The following WRN variants were observed in gnomAD, a reference collection of about 807,000 sequenced individuals.
WRN encodes the protein WRN RecQ like helicase, also known as bifunctional 3'-5' exonuclease/ATP-dependent helicase WRN.
WRN carries 149 observed loss-of-function variants against 180.7 expected under a neutral mutation model. The ratio of observed to expected loss-of-function variants is 0.82; its 90% CI spans 0.72 to 0.94. WRN has a LOEUF of 0.94. WRN is among the 40% of genes least tolerant of loss of function. WRN has a pLI of 0.00. For synonymous variants in WRN, 548 were observed against 568.9 expected (o/e 0.96, Z 0.52); for missense variants, 1,661 against 1,700.1 (o/e 0.98, Z 0.40).
intron 17 of WRN, among the ~76,000 whole-genome samples, chr8:31,098,103 A>G (rs1005499398): frequency 2.0e-5 from 3 of 152,206 alleles, no homozygotes; most frequent in African/African-American, 7.2e-5. Flanking sequence ...GCAGCAATTA[A>G]CATTTCATTA....
chr8:31,072,212 A>G (rs1242394213), intron 7 of WRN, among the ~76,000 whole-genome samples: 5 of 152,208 alleles, frequency 3.3e-5, no homozygotes, highest in African/African-American at 7.2e-5. Context: ...ACATGTTTTA[A>G]GTAGGAGGAT....
chr8:31,118,394 C>G (rs911584909), intron 20 of WRN, among the ~76,000 whole-genome samples: 2 of 152,128 alleles, frequency 1.3e-5, no homozygotes, highest in South Asian at 4.2e-4. Context: ...TGTACTCCTA[C>G]TTTGCCATTA....
At position 31,131,160 on chromosome 8, in the gene WRN, C is replaced by CTTTTTTTT. The variant is rs71206302; in HGVS notation, c.2826-1203_2826-1196dup. On this transcript the variant is annotated intron_variant, in intron 23 of 34. Coordinates refer to ENST00000298139, the MANE Select transcript of WRN (RefSeq NM_000553.6). Reference sequence around the variant, plus strand: ...TGTGGTGGAACCAAATTGCAACTTTCTTTTTTTTTGAGACAGAGTTTTGCT... The same window carrying CTTTTTTTT: ...TGTGGTGGAACCAAATTGCAACTTTCTTTTTTTTTTTTTTTTTGAGACAGAGTTTTGCT... 1.3e-3 allele frequency among the ~76,000 whole-genome samples: 137 copies of CTTTTTTTT among 106,822 alleles called. 4 individuals are homozygous for CTTTTTTTT. The highest frequency in any genetic ancestry group is 3.0e-3 in the African/African-American group (85 of 28,222). 70.1% of individuals were successfully genotyped at this position (106,822 alleles called of 152,430 possible). A position where few individuals can be genotyped will look rare whatever the true frequency, so the allele number is the denominator to read the frequency against.
chr8:31,100,894 G>T lies in WRN; in HGVS notation c.2027G>T (p.Trp676Leu). The T allele has an allele frequency of 6.2e-7, 1 of 1,613,988 alleles. No homozygotes were observed. Among genetic ancestry groups the T allele is most frequent in the Non-Finnish European group, 8.5e-7 (1 of 1,179,984 alleles). ...AVDEAHCISE[W>L]GHDFRDSFRK... is the part of the protein sequence containing the mutation. ...GATGAGGCTCACTGTATTTCTGAGT[G>T]GGGGCATGATTTTAGGGATTCATTC... Residue 676 changes from tryptophan to leucine, a missense_variant, in exon 18 of 35, where the codon TGG (tryptophan) becomes TTG (leucine). Physicochemically the swap from Trp to Leu is moderately conservative, Grantham distance 61. Transcript: ENST00000298139.
chr8:31,146,950 G>A, intron 28 of WRN, 103 bp from the exon 29 acceptor site: 1 of 971,956 alleles, frequency 1.0e-6, no homozygotes, highest in Non-Finnish European at 1.6e-6. Context: ...AAGAATAAAT[G>A]TTTGTACTGA....
intron 15 of WRN, 114 bp from the exon 16 acceptor site, chr8:31,091,716 T>C (rs1813752928): frequency 9.1e-7 from 1 of 1,099,652 alleles, no homozygotes; most frequent in East Asian, 2.7e-5. Flanking sequence ...AAAAAGAAAA[T>C]TGCAAAGAAC....
chr8:31,147,251 A>T (rs1802895225), intron 29 of WRN, 113 bp from the exon 30 acceptor site: 2 of 1,455,064 alleles, frequency 1.4e-6, no homozygotes, highest in Admixed American at 3.5e-5. Context: ...CTGAGTTTAT[A>T]TTTCAGTTTA....
intron 34 of WRN, among the ~76,000 whole-genome samples, chr8:31,169,596 T>G (rs981325683): frequency 6.6e-6 from 1 of 152,202 alleles, no homozygotes; most frequent in Non-Finnish European, 1.5e-5. Context: ...ATACTTTTCT[T>G]TTGCTCATTT....
intron 24 of WRN, among the ~76,000 whole-genome samples, chr8:31,135,867 A>G (rs951111729): frequency 1.2e-4 from 18 of 151,498 alleles, no homozygotes; most frequent in African/African-American, 4.4e-4. Flanking sequence ...ACCGTTGTAA[A>G]GACTTTGCTT....
Position 31,089,449 on chromosome 8 carries a change from G to A in WRN, c.1652+484G>A, listed in dbSNP as rs191395210. Among the ~76,000 whole-genome samples, 178 of 152,088 alleles carry A rather than the reference G, an allele frequency of 1.2e-3. 1 individual carries two copies. Among genetic ancestry groups the A allele is most frequent in the African/African-American group, 3.9e-3 (164 of 41,562 alleles). ...TAAATGAGATGAATAAGAATGAGAT[G>A]AACAAGTAAATGTGAATAAAACTAA... On this transcript the variant is annotated intron_variant, in intron 13 of 34. Transcript: ENST00000298139.
Position 31,120,837 on chromosome 8 carries a change from C to A in WRN, c.2630+413C>A, listed in dbSNP as rs11574316. Among the ~76,000 whole-genome samples the A allele has an allele frequency of 5.3e-5, 8 of 152,088 alleles. No individual in the cohort carries two copies. In the East Asian group the frequency reaches 1.5e-3, roughly 29 times the overall value. On this transcript the variant is annotated intron_variant, in intron 21 of 34. Transcript: ENST00000298139. ...CTGATTTTGTTACTGATTCTTTCTT[C>A]CCATGCTACAGTGGTGATTATTCCA... is the stretch of plus-strand genomic sequence containing the variant.
chr8:31,058,998 TGTTAA>T, intron 2 of WRN, among the ~76,000 whole-genome samples, 150 bp from the exon 3 acceptor site: 1 of 152,252 alleles, frequency 6.6e-6, no homozygotes, highest in African/African-American at 2.4e-5. Context: ...GTTTTTTCTT[TGTTAA>T]GTTTTCTTTA....
intron 1 of WRN, among the ~76,000 whole-genome samples, chr8:31,053,697 A>G (rs1812160930): frequency 6.6e-6 from 1 of 152,266 alleles, no homozygotes; most frequent in Non-Finnish European, 1.5e-5. Context: ...ACATTAAGGT[A>G]TATGACAGAG....
Position 31,070,991 on chromosome 8 carries a change from A to G in WRN, c.724+2664A>G, listed in dbSNP as rs537923500. Among the ~76,000 whole-genome samples the G allele has an allele frequency of 3.3e-5, 5 of 150,100 alleles. No homozygotes were observed. In the East Asian group the frequency reaches 9.9e-4, roughly 30 times the overall value. On this transcript the variant is annotated intron_variant, in intron 7 of 34. Transcript: ENST00000298139. The stretch of plus-strand genomic sequence containing the variant: ...AATCTGGGAGGTGGAGGTTGTAGTG[A>G]GCTGAGATTGCACCATTGCACTCCA...
At chr8:31,141,169 A>G (rs1381949070) in intron 24 of WRN, among the ~76,000 whole-genome samples, 4 of 152,226 alleles carry the variant, frequency 2.6e-5, no homozygotes, top group African/African-American at 9.6e-5. Flanking sequence ...ACACATATCC[A>G]AACCTATACA....
chr8:31,088,815 T>C, intron 12 of WRN, 75 bp from the exon 13 acceptor site: 5 of 1,243,884 alleles, frequency 4.0e-6, no homozygotes, highest in South Asian at 3.8e-5. Context: ...AAGAAGCCAA[T>C]GAAATAAACT....
chr8:31,103,956 G>A (rs1563353389), intron 18 of WRN, among the ~76,000 whole-genome samples: 1 of 151,976 alleles, frequency 6.6e-6, no homozygotes, highest in Admixed American at 6.6e-5. Flanking sequence ...GGATGGTCTC[G>A]ATCTCCTGAC....
chr8:31,127,585 T>TA lies in WRN; in HGVS notation c.2825+2594dup, dbSNP rs945670195. ...AAGACAGAATTGTTTTATGCACCTT[T>TA]AAAAAAAAACAAAAACAAAAAAAAT... On this transcript the variant is annotated intron_variant, in intron 23 of 34. Coordinates refer to ENST00000298139, the MANE Select transcript of WRN (RefSeq NM_000553.6). Among the ~76,000 whole-genome samples the TA allele has an allele frequency of 5.7e-4, 85 of 150,266 alleles. No individual in the cohort carries two copies. In the East Asian group the frequency reaches 7.0e-3, roughly 12 times the overall value.
chr8:31,154,458 T>C (rs1715481877), intron 31 of WRN, among the ~76,000 whole-genome samples, 166 bp from the exon 32 acceptor site: 1 of 152,196 alleles, frequency 6.6e-6, no homozygotes, highest in African/African-American at 2.4e-5. Flanking sequence ...TTAAAATCAA[T>C]ATGTTAAAAA....
Sources: gnomAD v4.1 joint callset for allele counts (sites outside exome capture counted in the v4.1 genomes callset) on GRCh38, gnomAD v4.1.1 for gene constraint, MANE v1.5 for transcripts, NCBI Gene and HGNC (gene_info 2026-07-23, HGNC 2026-07-21) for gene names.